FLRT2: variants seen among roughly 807,000 people sequenced by gnomAD.
FLRT2 encodes leucine-rich repeat transmembrane protein FLRT2.
FLRT2 carries 15 observed loss-of-function variants against 40.0 expected under a neutral mutation model. The observed-to-expected ratio is 0.38, with a 90% CI of 0.25 to 0.58. The LOEUF (loss-of-function observed/expected upper bound fraction) is 0.58, where lower values mean the gene tolerates loss of function less well. Among genes scored for constraint, FLRT2 ranks in the 20% least tolerant of loss-of-function variants. The pLI is 0.71. For missense variants in FLRT2, 726 were observed against 840.0 expected, an observed-to-expected ratio of 0.86 and a Z score of 1.68; for synonymous variants, 380 against 336.8, an observed-to-expected ratio of 1.13 and a Z score of -1.41.
chr14:85,578,267 G>A (rs1209015806), intron 1 of FLRT2, among the ~76,000 whole-genome samples: 2 of 147,718 alleles, frequency 1.4e-5, no homozygotes, highest in African/African-American at 5.0e-5. Flanking sequence ...CTGTGTTTTA[G>A]CCCCTAGTTC....
intron 1 of FLRT2, among the ~76,000 whole-genome samples, chr14:85,607,919 T>C (rs1043960017): frequency 1.3e-5 from 2 of 151,978 alleles, no homozygotes; most frequent in Non-Finnish European, 2.9e-5. Context: ...GGCTGGTTTC[T>C]TCCTAGGCTT....
In FLRT2 at chr14:85,654,362, T is replaced by G. The variant is rs1416072452; in HGVS notation, c.*30865T>G. 1 of 152,210 alleles carries G rather than the reference T, an allele frequency of 6.6e-6. No individual in the cohort carries two copies. Among genetic ancestry groups the G allele is most frequent in the Non-Finnish European group, 1.5e-5 (1 of 68,038 alleles). The allele number at this position is 152,210 out of a possible 1,614,324, so 9.4% of individuals were successfully genotyped here. Reference sequence around the variant, plus strand: ...CATATTCTTATCAGCCAGATCTAACTAATTTTACCATTTTCATATCTCTGT... The same window carrying G: ...CATATTCTTATCAGCCAGATCTAACGAATTTTACCATTTTCATATCTCTGT... On this transcript the variant is annotated 3_prime_UTR_variant, in exon 2 of 2. Transcript: ENST00000330753.
rs1894442352 is a variant in FLRT2, at chr14:85,651,918, G to A, written c.*28421G>A. 1 of 151,868 alleles carries A rather than the reference G, an allele frequency of 6.6e-6. No homozygotes were observed. The highest frequency in any genetic ancestry group is 2.4e-5 in the African/African-American group (1 of 41,382). 9.4% of individuals were successfully genotyped at this position (151,868 alleles called of 1,614,324 possible). A position where few individuals can be genotyped will look rare whatever the true frequency, so the allele number is the denominator to read the frequency against. On this transcript the variant is annotated 3_prime_UTR_variant, in exon 2 of 2. Coordinates refer to ENST00000330753, the MANE Select transcript of FLRT2 (RefSeq NM_013231.6). Reference sequence around the variant, plus strand: ...AAAAGGAATTTCAAACATATTATTGGTCATCATCACCTGCCTATTAAATAT... The same window carrying A: ...AAAAGGAATTTCAAACATATTATTGATCATCATCACCTGCCTATTAAATAT...
chr14:85,598,994 T>G (rs1595069895), intron 1 of FLRT2, among the ~76,000 whole-genome samples: 1 of 143,594 alleles, frequency 7.0e-6, no homozygotes, highest in Non-Finnish European at 1.5e-5. Flanking sequence ...CTTGGCTCAC[T>G]GCAAGCTCCG....
chr14:85,600,137 A>C (rs922361254), intron 1 of FLRT2, among the ~76,000 whole-genome samples: 2 of 152,216 alleles, frequency 1.3e-5, no homozygotes, highest in African/African-American at 2.4e-5. Flanking sequence ...GACCTCACTA[A>C]TGATTCATTT....
chr14:85,628,899 C>T lies in FLRT2; in HGVS notation c.*5402C>T, dbSNP rs1893799867. On this transcript the variant is annotated 3_prime_UTR_variant, in exon 2 of 2. Transcript: ENST00000330753. ...TCATTCAAAATAATTCATTAATGTC[C>T]TCCTACTCTGTTCCAAACACTAGGC... 1 of 152,132 alleles carries T rather than the reference C, an allele frequency of 6.6e-6. No homozygotes were observed. The highest frequency in any genetic ancestry group is 2.4e-5 in the African/African-American group (1 of 41,436). 9.4% of individuals were successfully genotyped at this position (152,132 alleles called of 1,614,324 possible).
Position 85,644,129 on chromosome 14 carries a change from C to A in FLRT2, c.*20632C>A, listed in dbSNP as rs1235594098. On this transcript the variant is annotated 3_prime_UTR_variant, in exon 2 of 2. Transcript: ENST00000330753. ...GCAGTGGATATTTCTAAGACGTCCTCATTTAACTTGATTTTTTTTTTTAAT... is the reference window on the plus strand; with the variant it reads ...GCAGTGGATATTTCTAAGACGTCCTAATTTAACTTGATTTTTTTTTTTAAT... 6.8e-6 allele frequency: 1 copy of A among 147,566 alleles called. No homozygotes were observed. The highest frequency in any genetic ancestry group is 1.5e-5 in the Non-Finnish European group (1 of 67,292). The allele number at this position is 147,566 out of a possible 1,614,324, so 9.1% of individuals were successfully genotyped here.
At chr14:85,533,096 G>C (rs1255761965) in intron 1 of FLRT2, among the ~76,000 whole-genome samples, 1 of 152,178 alleles carries the variant, frequency 6.6e-6, no homozygotes, top group African/African-American at 2.4e-5. Flanking sequence ...GGTAGCAGCC[G>C]CGCCTCCCAA....
At chr14:85,573,544 C>G (rs1890993456) in intron 1 of FLRT2, among the ~76,000 whole-genome samples, 1 of 152,156 alleles carries the variant, frequency 6.6e-6, no homozygotes. Context: ...GGAGTTTGCA[C>G]TTCAGCTAAG....
chr14:85,545,523 G>A (rs1234369589), intron 1 of FLRT2, among the ~76,000 whole-genome samples: 1 of 152,152 alleles, frequency 6.6e-6, no homozygotes, highest in Non-Finnish European at 1.5e-5. Context: ...TGTCCAGTAG[G>A]TATAAATGAT....
rs917804987 is a variant in FLRT2, at chr14:85,652,213, A to G, written c.*28716A>G. ...TAATTCTGTTTTTAATGACCTTATT[A>G]GCTCAGATGATGTTTTAATGATTTG... On this transcript the variant is annotated 3_prime_UTR_variant, in exon 2 of 2. Coordinates refer to ENST00000330753, the MANE Select transcript of FLRT2 (RefSeq NM_013231.6). 2 of 152,166 alleles carry G rather than the reference A, an allele frequency of 1.3e-5. No individual in the cohort carries two copies. Among genetic ancestry groups the G allele is most frequent in the African/African-American group, 4.8e-5 (2 of 41,460 alleles). 9.4% of individuals were successfully genotyped at this position (152,166 alleles called of 1,614,324 possible). A position where few individuals can be genotyped will look rare whatever the true frequency, so the allele number is the denominator to read the frequency against.
chr14:85,541,817 C>T (rs1381289321), intron 1 of FLRT2, among the ~76,000 whole-genome samples: 1 of 152,268 alleles, frequency 6.6e-6, no homozygotes, highest in Admixed American at 6.5e-5. Context: ...CACCCCCATG[C>T]CTTCTACCTC....
At chr14:85,567,054 T>C (rs1271362723) in intron 1 of FLRT2, among the ~76,000 whole-genome samples, 2 of 152,174 alleles carry the variant, frequency 1.3e-5, no homozygotes, top group East Asian at 3.9e-4. Flanking sequence ...TTAGAACATA[T>C]TTAAATGAAA....
intron 1 of FLRT2, among the ~76,000 whole-genome samples, chr14:85,558,581 T>C (rs1890121664): frequency 6.6e-6 from 1 of 152,174 alleles, no homozygotes. Context: ...TCTCTTTCGG[T>C]GTTTCTTCAA....
rs1351514266 is a variant in FLRT2 at position 85,626,287 on chromosome 14, C to G, written c.*2790C>G. The G allele has an allele frequency of 1.8e-5, 3 of 167,062 alleles. No homozygotes were observed. Among genetic ancestry groups the G allele is most frequent in the Non-Finnish European group, 4.4e-5 (3 of 68,134 alleles). 10.3% of individuals were successfully genotyped at this position (167,062 alleles called of 1,614,324 possible). A position where few individuals can be genotyped will look rare whatever the true frequency, so the allele number is the denominator to read the frequency against. ...TGGGAATGTATATTTGCTGATATAT[C>G]TGCTCTGTGTTTGGGCCTCTCTTGC... On this transcript the variant is annotated 3_prime_UTR_variant, in exon 2 of 2. Transcript: ENST00000330753.
intron 1 of FLRT2, among the ~76,000 whole-genome samples, chr14:85,533,033 C>T (rs751017832): frequency 7.2e-5 from 11 of 152,186 alleles, no homozygotes; most frequent in Non-Finnish European, 1.5e-4. Context: ...CAACTCTTTT[C>T]AGAGAGGACA....
chr14:85,634,289 A>G lies in FLRT2; in HGVS notation c.*10792A>G, dbSNP rs2139389403. 1 of 152,324 alleles carries G rather than the reference A, an allele frequency of 6.6e-6. No homozygotes were observed. The highest frequency in any genetic ancestry group is 2.4e-5 in the African/African-American group (1 of 41,574). 9.4% of individuals were successfully genotyped at this position (152,324 alleles called of 1,614,324 possible). On this transcript the variant is annotated 3_prime_UTR_variant, in exon 2 of 2. Transcript: ENST00000330753. The stretch of plus-strand genomic sequence containing the variant: ...TGATTTAATTGGTTTCAGGACAGTT[A>G]TTTGGCAAGTAGTATCAATGGGTAC...
At chr14:85,601,430 G>A (rs2746997) in intron 1 of FLRT2, among the ~76,000 whole-genome samples, 78,243 of 152,032 alleles carry the variant, frequency 0.51, 20,824 homozygotes, top group East Asian at 0.83. Context: ...AACATCACCA[G>A]TTCCCTGGGG....
rs1595106914 is a variant in FLRT2, at chr14:85,632,019, T to A, written c.*8522T>A. 2 of 151,314 alleles carry A rather than the reference T, an allele frequency of 1.3e-5. No individual in the cohort carries two copies. Among genetic ancestry groups the A allele is most frequent in the East Asian group, 4.0e-4 (2 of 4,984 alleles). The allele number at this position is 151,314 out of a possible 1,614,324, so 9.4% of individuals were successfully genotyped here. A position where few individuals can be genotyped will look rare whatever the true frequency, so the allele number is the denominator to read the frequency against. On this transcript the variant is annotated 3_prime_UTR_variant, in exon 2 of 2. Coordinates refer to ENST00000330753, the MANE Select transcript of FLRT2 (RefSeq NM_013231.6). Reference sequence around the variant, plus strand: ...TTTTTGTATTTTTAGTAGAGATGGGTTTTGCCACATTGGCCAGGCTAGTCT... The same window carrying A: ...TTTTTGTATTTTTAGTAGAGATGGGATTTGCCACATTGGCCAGGCTAGTCT...
Sources: allele counts gnomAD v4.1 joint callset (sites outside exome capture counted in the v4.1 genomes callset), GRCh38; gene constraint gnomAD v4.1.1; transcripts MANE v1.5; gene names NCBI Gene and HGNC (gene_info 2026-07-23, HGNC 2026-07-21).